Variants in TYRP1 observed in about 807,000 individuals in gnomAD.
The protein encoded by TYRP1 is 5,6-dihydroxyindole-2-carboxylic acid oxidase.
TYRP1 carries 49 observed loss-of-function variants against 42.8 expected under a neutral mutation model. That is an observed-to-expected ratio of 1.14 (90% CI 0.91 to 1.45). The LOEUF is 1.45. Ranked by LOEUF, TYRP1 falls within the 40% of genes most tolerant of loss-of-function variation. TYRP1 has a pLI of 0.00. For synonymous variants in TYRP1, 279 were observed against 235.4 expected, an observed-to-expected ratio of 1.19 and a Z score of -1.69; for missense variants, 848 against 662.0, an observed-to-expected ratio of 1.28 and a Z score of -3.08.
chr9:12,707,860 C>CG, intron 6 of TYRP1, 137 bp from the exon 7 acceptor site: 2 of 794,648 alleles, frequency 2.5e-6, no homozygotes, highest in Non-Finnish European at 3.9e-6. Flanking sequence ...AGTGAAACTT[C>CG]ATATCTTTAT....
In TYRP1 at chr9:12,709,413, ATGATATTTAAGGATAGTGT is replaced by A; in HGVS notation, c.*232_*250del. The A allele has an allele frequency of 1.9e-6, 1 of 535,450 alleles. No individual in the cohort carries two copies. The highest frequency in any genetic ancestry group is 3.4e-6 in the Non-Finnish European group (1 of 298,304). 33.2% of individuals were successfully genotyped at this position (535,450 alleles called of 1,614,324 possible). On this transcript the variant is annotated 3_prime_UTR_variant, in exon 8 of 8. Coordinates refer to ENST00000388918, the MANE Select transcript of TYRP1 (RefSeq NM_000550.3). Reference sequence around the variant, plus strand: ...AAAATGGTGAATGACACTAAACTCCATGATATTTAAGGATAGTGTGAAGATCTTTGGCATGATTTAAAGG... The same window carrying A: ...AAAATGGTGAATGACACTAAACTCCAGAAGATCTTTGGCATGATTTAAAGG...
chr9:12,698,681 T>C (rs1304289235), intron 4 of TYRP1, 26 bp downstream of exon 4: 2 of 1,599,848 alleles, frequency 1.3e-6, no homozygotes, highest in Non-Finnish European at 1.7e-6. Flanking sequence ...TAGCTTGGAG[T>C]CAGAATTTCT....
At position 12,708,042 on chromosome 9, in the gene TYRP1, G is replaced by C; in HGVS notation, c.1307G>C (p.Arg436Thr). 6.2e-7 allele frequency: 1 copy of C among 1,612,526 alleles called. No homozygotes were observed. ...GAAAATGCCCCTATTGGACATAATA[G>C]ACAATACAACATGGTGCCATTCTGG... ...PLENAPIGHNRQYNMVPFWPP... is the reference protein window; with the variant it reads ...PLENAPIGHNTQYNMVPFWPP... The change falls in exon 7 of 8, where the codon AGA (arginine) becomes ACA (threonine). Residue 436 changes from arginine to threonine, a missense_variant. Physicochemically the swap from Arg to Thr is moderately conservative, Grantham distance 71. Transcript: ENST00000388918.
chr9:12,696,626 C>T (rs1184065106), intron 3 of TYRP1, among the ~76,000 whole-genome samples: 1 of 152,058 alleles, frequency 6.6e-6, no homozygotes, highest in African/African-American at 2.4e-5. Flanking sequence ...TCAACTCAAG[C>T]AGTTATTTCA....
intron 6 of TYRP1, chr9:12,707,647 G>T (rs548181600): frequency 4.6e-6 from 1 of 219,638 alleles, no homozygotes; most frequent in African/African-American, 2.4e-5. Flanking sequence ...CAAATTACAG[G>T]TTTATGTTTT....
At chr9:12,707,897 T>C in intron 6 of TYRP1, 100 bp from the exon 7 acceptor site, 1 of 1,196,504 alleles carries the variant, frequency 8.4e-7, no homozygotes, top group Non-Finnish European at 1.2e-6. Context: ...ATAAAATTTT[T>C]TCAGGTTCTC....
chr9:12,702,235 T>C, intron 4 of TYRP1, 36 bp from the exon 5 acceptor site: 2 of 1,608,484 alleles, frequency 1.2e-6, no homozygotes, highest in African/African-American at 2.7e-5. Context: ...CTCCAAACAT[T>C]GTGTAAATGT....
Position 12,702,271 on chromosome 9 carries a change from G to A in TYRP1, c.914G>A (p.Ser305Asn), listed in dbSNP as rs747646124. 1.2e-6 allele frequency: 2 copies of A among 1,612,102 alleles called. No individual in the cohort carries two copies. Among genetic ancestry groups the A allele is most frequent in the South Asian group, 2.2e-5 (2 of 90,930 alleles). Residue 305 changes from serine to asparagine, a missense_variant and splice_region_variant, in exon 5 of 8, where the codon AGC becomes AAC. By Grantham distance (46) the Ser-to-Asn change is conservative. Coordinates refer to ENST00000388918, the MANE Select transcript of TYRP1 (RefSeq NM_000550.3). ...TTCCACATCCCATTTTTTTCTGCAGGCACCGAGGATGGGCCAATTAGGAGA... is the reference window on the plus strand; with the variant it reads ...TTCCACATCCCATTTTTTTCTGCAGACACCGAGGATGGGCCAATTAGGAGA... The part of the protein sequence containing the change: ...DYDTLGTLCN[S>N]TEDGPIRRNP...
rs1818317627 is a variant in TYRP1 at position 12,709,307 on chromosome 9, T to A, written c.*125T>A. On this transcript the variant is annotated 3_prime_UTR_variant, in exon 8 of 8. Transcript: ENST00000388918. ...TTTCTAATACAAGCATATGTTAGCATTAAAGTTCTAGGCATACTTTTCAAA... is the reference window on the plus strand; with the variant it reads ...TTTCTAATACAAGCATATGTTAGCAATAAAGTTCTAGGCATACTTTTCAAA... 11 of 991,284 alleles carry A rather than the reference T, an allele frequency of 1.1e-5. No homozygotes were observed. In the Admixed American group the frequency reaches 1.9e-4, roughly 17 times the overall value. The allele number at this position is 991,284 out of a possible 1,614,324, so 61.4% of individuals were successfully genotyped here. A position where few individuals can be genotyped will look rare whatever the true frequency, so the allele number is the denominator to read the frequency against.
chr9:12,704,894 T>C (rs1310603793), intron 6 of TYRP1, among the ~76,000 whole-genome samples, 189 bp downstream of exon 6: 1 of 151,998 alleles, frequency 6.6e-6, no homozygotes, highest in East Asian at 1.9e-4. Flanking sequence ...TCTCTCCAAA[T>C]AGTTATTATA....
At chr9:12,701,451 C>G (rs183335590) in intron 4 of TYRP1, among the ~76,000 whole-genome samples, 55 of 151,870 alleles carry the variant, frequency 3.6e-4, no homozygotes, top group African/African-American at 1.3e-3. Context: ...TTTTTTGTTA[C>G]AGATAGGGGG....
chr9:12,698,797 CATTAAACACCT>C, intron 4 of TYRP1, 142 bp downstream of exon 4: 1 of 818,980 alleles, frequency 1.2e-6, no homozygotes, highest in Non-Finnish European at 2.0e-6. Context: ...ACCAGGCATT[CATTAAACACCT>C]AGAATGTTCA....
At chr9:12,706,431 T>C (rs1362961282) in intron 6 of TYRP1, among the ~76,000 whole-genome samples, 1 of 152,050 alleles carries the variant, frequency 6.6e-6, no homozygotes, top group Non-Finnish European at 1.5e-5. Context: ...TTCTCCAGAT[T>C]TTAACTTAAA....
chr9:12,703,049 C>G (rs1221114170), intron 5 of TYRP1, among the ~76,000 whole-genome samples: 1 of 151,938 alleles, frequency 6.6e-6, no homozygotes, highest in Non-Finnish European at 1.5e-5. Flanking sequence ...CAGCTAGTTA[C>G]TAACAGAGCG....
chr9:12,700,975 C>T (rs1177066462), intron 4 of TYRP1, among the ~76,000 whole-genome samples: 1 of 151,986 alleles, frequency 6.6e-6, no homozygotes, highest in Non-Finnish European at 1.5e-5. Flanking sequence ...AAGCATAGAA[C>T]ATGGGAGGCT....
intron 6 of TYRP1, among the ~76,000 whole-genome samples, chr9:12,707,147 TAA>T (rs1818271509): frequency 6.6e-6 from 1 of 152,036 alleles, no homozygotes; most frequent in African/African-American, 2.4e-5. Flanking sequence ...TTATATGAAT[TAA>T]GTTTTAAATA....
chr9:12,704,075 G>T (rs1326197466), intron 5 of TYRP1, among the ~76,000 whole-genome samples: 1 of 151,930 alleles, frequency 6.6e-6, no homozygotes, highest in African/African-American at 2.4e-5. Context: ...AAAAATAAAC[G>T]TGCTAACAGT....
chr9:12,697,901 C>G (rs1016951933), intron 3 of TYRP1, among the ~76,000 whole-genome samples: 1 of 152,116 alleles, frequency 6.6e-6, no homozygotes, highest in Non-Finnish European at 1.5e-5. Flanking sequence ...AAACACCTTC[C>G]GTGCTCAGTG....
intron 4 of TYRP1, among the ~76,000 whole-genome samples, chr9:12,699,386 G>C (rs1247011238): frequency 6.6e-6 from 1 of 151,926 alleles, no homozygotes; most frequent in East Asian, 1.9e-4. Flanking sequence ...TTAATTATTA[G>C]ACACCCCCTA....
Sources: gnomAD v4.1 joint callset for allele counts (sites outside exome capture counted in the v4.1 genomes callset) on GRCh38, gnomAD v4.1.1 for gene constraint, MANE v1.5 for transcripts, NCBI Gene and HGNC (gene_info 2026-07-23, HGNC 2026-07-21) for gene names.